LYPD6: variants seen among roughly 807,000 people sequenced by gnomAD.
LYPD6 encodes the protein LY6/PLAUR domain containing 6.
A neutral mutation model predicts 22.7 loss-of-function variants in LYPD6; 15 were observed. The ratio of observed to expected loss-of-function variants is 0.66; its 90% CI spans 0.44 to 1.02. LYPD6 has a LOEUF of 1.02. Among genes scored for constraint, LYPD6 ranks in the 50% least tolerant of loss-of-function variants. The pLI is 0.00. For missense variants in LYPD6, 189 were observed against 208.4 expected (o/e 0.91, Z 0.57); for synonymous variants, 72 against 77.5 (o/e 0.93, Z 0.37).
At chr2:149,364,024 C>T (rs899242646) in intron 1 of LYPD6, among the ~76,000 whole-genome samples, 23 of 152,118 alleles carry the variant, frequency 1.5e-4, no homozygotes, top group African/African-American at 5.5e-4. Context: ...TTTCTTATCT[C>T]ACTCCTTAGC....
At chr2:149,393,109 T>C (rs1288390177) in intron 1 of LYPD6, among the ~76,000 whole-genome samples, 1 of 152,242 alleles carries the variant, frequency 6.6e-6, no homozygotes, top group Non-Finnish European at 1.5e-5. Flanking sequence ...ACTCACCTGA[T>C]TGAGCAGAAT....
chr2:149,402,323 T>A lies in LYPD6; in HGVS notation c.-71-35315T>A, dbSNP rs552654251. On this transcript the variant is annotated intron_variant, in intron 1 of 4. Coordinates refer to ENST00000334166, the MANE Select transcript of LYPD6 (RefSeq NM_194317.5). Reference sequence around the variant, plus strand: ...TTGGGCTGGTTCCATATTTTTACAATTACAAATTGTGCTCCTGTAAACATG... The same window carrying A: ...TTGGGCTGGTTCCATATTTTTACAAATACAAATTGTGCTCCTGTAAACATG... Among the ~76,000 whole-genome samples, 14 of 152,216 alleles carry A rather than the reference T, an allele frequency of 9.2e-5. No homozygotes were observed. The East Asian group carries it at 1.5e-3, about 17-fold the overall frequency.
intron 3 of LYPD6, among the ~76,000 whole-genome samples, chr2:149,457,333 G>A (rs578080912): frequency 2.0e-4 from 30 of 152,164 alleles, no homozygotes; most frequent in Non-Finnish European, 3.7e-4. Context: ...TTGAATGGAA[G>A]AGCTTAGCTA....
intron 1 of LYPD6, among the ~76,000 whole-genome samples, chr2:149,371,562 T>G (rs74706317): frequency 0.014 from 2,107 of 152,256 alleles, 58 homozygotes; most frequent in African/African-American, 0.047. Context: ...AGCAGGTTTT[T>G]TGTGTGTGTG....
intron 3 of LYPD6, among the ~76,000 whole-genome samples, chr2:149,459,466 A>G (rs1020137724): frequency 1.3e-5 from 2 of 152,244 alleles, no homozygotes; most frequent in Non-Finnish European, 2.9e-5. Flanking sequence ...GAAAAAACTT[A>G]GTAAACGTAC....
intron 1 of LYPD6, among the ~76,000 whole-genome samples, chr2:149,362,040 A>G (rs1423957540): frequency 2.0e-5 from 3 of 152,132 alleles, no homozygotes; most frequent in Admixed American, 1.3e-4. Context: ...AAGGAAGCTC[A>G]TTCTCCCTTA....
At chr2:149,411,350 A>G (rs1682846252) in intron 1 of LYPD6, among the ~76,000 whole-genome samples, 1 of 152,138 alleles carries the variant, frequency 6.6e-6, no homozygotes. Context: ...CCAGACAACA[A>G]GAGTGACATC....
intron 1 of LYPD6, among the ~76,000 whole-genome samples, chr2:149,397,933 T>A (rs1230360743): frequency 6.6e-6 from 1 of 152,102 alleles, no homozygotes; most frequent in Non-Finnish European, 1.5e-5. Flanking sequence ...AAGTAGATGT[T>A]GAAAAAAATA....
At chr2:149,355,375 A>G (rs2105062733) in intron 1 of LYPD6, among the ~76,000 whole-genome samples, 1 of 152,340 alleles carries the variant, frequency 6.6e-6, no homozygotes, top group Non-Finnish European at 1.5e-5. Flanking sequence ...TCTTCAATTA[A>G]TCTTATCTCA....
chr2:149,398,164 G>A (rs1382882108), intron 1 of LYPD6, among the ~76,000 whole-genome samples: 1 of 152,190 alleles, frequency 6.6e-6, no homozygotes, highest in East Asian at 1.9e-4. Context: ...TACTGGACGA[G>A]CTCTTTCAGT....
intron 1 of LYPD6, among the ~76,000 whole-genome samples, chr2:149,333,820 C>T (rs1414188553): frequency 6.6e-6 from 1 of 152,088 alleles, no homozygotes; most frequent in East Asian, 1.9e-4. Context: ...GAGTGCCTAC[C>T]AGATGTAACA....
chr2:149,475,004 C>T (rs947360020), downstream of LYPD6, among the ~76,000 whole-genome samples: 3 of 152,028 alleles, frequency 2.0e-5, no homozygotes, highest in Non-Finnish European at 2.9e-5. Flanking sequence ...CCTGACCTCA[C>T]GATCCACCCG....
At chr2:149,356,820 A>C (rs1006621483) in intron 1 of LYPD6, among the ~76,000 whole-genome samples, 3 of 152,146 alleles carry the variant, frequency 2.0e-5, no homozygotes, top group Non-Finnish European at 2.9e-5. Context: ...ATTCTTGTCT[A>C]CTGTAGGAGA....
At chr2:149,480,890 C>T in the LYPD6 span, among the ~76,000 whole-genome samples, 1 of 152,184 alleles carries the variant, frequency 6.6e-6, no homozygotes, top group East Asian at 1.9e-4. Flanking sequence ...CCATCACCTA[C>T]CTCAGACACC....
At chr2:149,416,809 A>G (rs2105128147) in intron 1 of LYPD6, among the ~76,000 whole-genome samples, 1 of 152,320 alleles carries the variant, frequency 6.6e-6, no homozygotes, top group Admixed American at 6.5e-5. Flanking sequence ...ACATCCTTTC[A>G]GAAGATCGCC....
intron 2 of LYPD6, among the ~76,000 whole-genome samples, chr2:149,444,887 A>G (rs1683652076): frequency 6.7e-6 from 1 of 149,544 alleles, no homozygotes; most frequent in African/African-American, 2.6e-5. Flanking sequence ...GTGAATCACA[A>G]ATGTTCTTAA....
intron 1 of LYPD6, among the ~76,000 whole-genome samples, chr2:149,396,975 T>C (rs1222784241): frequency 6.6e-6 from 1 of 152,236 alleles, no homozygotes; most frequent in Non-Finnish European, 1.5e-5. Context: ...TTTGCAGCTC[T>C]CCTATATACT....
chr2:149,439,183 G>A (rs886571024), intron 2 of LYPD6, among the ~76,000 whole-genome samples: 1 of 152,102 alleles, frequency 6.6e-6, no homozygotes, highest in African/African-American at 2.4e-5. Flanking sequence ...CTCCAGTGTT[G>A]TATAACTCCC....
chr2:149,424,351 A>T (rs563243805), intron 1 of LYPD6, among the ~76,000 whole-genome samples: 1 of 152,334 alleles, frequency 6.6e-6, no homozygotes, highest in East Asian at 1.9e-4. Flanking sequence ...CAATCATAAT[A>T]ACTAATGAAA....
Sources: allele counts gnomAD v4.1 joint callset (sites outside exome capture counted in the v4.1 genomes callset), GRCh38; gene constraint gnomAD v4.1.1; transcripts MANE v1.5; gene names NCBI Gene and HGNC (gene_info 2026-07-23, HGNC 2026-07-21).